The following CTDP1 variants were observed in gnomAD, a reference collection of about 807,000 sequenced individuals.
CTDP1 encodes the protein CTD phosphatase 1.
CTDP1 carries 47 observed loss-of-function variants against 91.8 expected under a neutral mutation model. The observed-to-expected ratio is 0.51, with a 90% confidence interval of 0.41 to 0.65. CTDP1 has a LOEUF of 0.65. Ranked by LOEUF, CTDP1 falls within the 30% of genes least tolerant of loss-of-function variation. The pLI is 0.00. For missense variants in CTDP1, 1,272 were observed against 1,373.7 expected (o/e 0.93, Z 1.17); for synonymous variants, 656 against 598.5 (o/e 1.10, Z -1.40).
chr18:79,750,837 T>C (rs1272044912), intron 12 of CTDP1, among the ~76,000 whole-genome samples: 2 of 151,858 alleles, frequency 1.3e-5, no homozygotes, highest in Admixed American at 6.6e-5. Flanking sequence ...AATGATGGGA[T>C]GCATTGCTTT....
At chr18:79,710,867 A>C (rs1277457507) in intron 6 of CTDP1, among the ~76,000 whole-genome samples, 1 of 151,934 alleles carries the variant, frequency 6.6e-6, no homozygotes, top group Non-Finnish European at 1.5e-5. Context: ...TTCTGTATTG[A>C]TGTTTTTTAG....
intron 4 of CTDP1, among the ~76,000 whole-genome samples, chr18:79,699,948 T>A (rs573842951): frequency 6.6e-6 from 1 of 152,130 alleles, no homozygotes; most frequent in African/African-American, 2.4e-5. Flanking sequence ...TCATAGTTGC[T>A]TCATCAGTGT....
intron 8 of CTDP1, 98 bp from the exon 9 acceptor site, chr18:79,717,437 G>A: frequency 1.3e-6 from 2 of 1,548,324 alleles, no homozygotes; most frequent in Non-Finnish European, 1.8e-6. Flanking sequence ...GCCCTGGTGG[G>A]GTACAGCCAG....
chr18:79,718,621 G>T (rs776514471), intron 10 of CTDP1, among the ~76,000 whole-genome samples: 1 of 152,178 alleles, frequency 6.6e-6, no homozygotes, highest in East Asian at 1.9e-4. Flanking sequence ...CTGTTTGCCC[G>T]CGTGGACCCG....
upstream of CTDP1, chr18:79,678,026 G>A (rs1568163971): frequency 6.6e-6 from 1 of 152,178 alleles, no homozygotes; most frequent in East Asian, 1.9e-4. Flanking sequence ...ACGAGGGTAG[G>A]GGCTGGAGAA....
rs780993342 is a variant in CTDP1 at position 79,698,503 on chromosome 18, A to G, written c.621+515A>G. Among the ~76,000 whole-genome samples, 18 of 152,170 alleles carry G rather than the reference A, an allele frequency of 1.2e-4. 1 individual carries two copies. The highest frequency in any genetic ancestry group is 1.9e-4 in the Non-Finnish European group (13 of 68,028). ...ACACGGGGAAATGCAGGGTGAGGGC[A>G]GAACCCTGTTTAATGCACACGAAAC... is the stretch of plus-strand genomic sequence containing the variant. On this transcript the variant is annotated intron_variant, in intron 4 of 12. Coordinates refer to ENST00000613122, the MANE Select transcript of CTDP1 (RefSeq NM_004715.5).
Position 79,713,209 on chromosome 18 carries a change from A to C in CTDP1, c.1030+71A>C. The C allele has an allele frequency of 6.8e-7, 1 of 1,464,240 alleles. No individual in the cohort carries two copies. Among genetic ancestry groups the C allele is most frequent in the Non-Finnish European group, 9.4e-7 (1 of 1,059,982 alleles). The allele number at this position is 1,464,240 out of a possible 1,614,324, so 90.7% of individuals were successfully genotyped here. A position where few individuals can be genotyped will look rare whatever the true frequency, so the allele number is the denominator to read the frequency against. ...TATTGTTTAGCTCTTCTTATTTCTT[A>C]TCTCTGTTTTGACTGCTATAAATTC... On this transcript the variant is annotated intron_variant, in intron 7 of 12. Coordinates refer to ENST00000613122, the MANE Select transcript of CTDP1 (RefSeq NM_004715.5). The surrounding 1 kb of genome is among the most constrained non-coding windows in gnomAD (Gnocchi z 4.7).
chr18:79,728,499 T>A (rs2086496971), intron 10 of CTDP1, among the ~76,000 whole-genome samples: 1 of 152,202 alleles, frequency 6.6e-6, no homozygotes, highest in South Asian at 2.1e-4. Flanking sequence ...TTTCTTGTTT[T>A]GTGTTTTGCC....
intron 12 of CTDP1, among the ~76,000 whole-genome samples, chr18:79,742,680 G>A (rs1324441657): frequency 6.6e-6 from 1 of 152,246 alleles, no homozygotes; most frequent in Admixed American, 6.5e-5. Flanking sequence ...CTGGACATGT[G>A]GTGGCTGTGG....
chr18:79,726,353 C>G (rs1403298169), intron 10 of CTDP1, among the ~76,000 whole-genome samples: 2 of 152,164 alleles, frequency 1.3e-5, no homozygotes, highest in Non-Finnish European at 2.9e-5. Context: ...CCAATCCTTT[C>G]TGTGTTTTTC....
Position 79,717,868 on chromosome 18 carries a change from C to T in CTDP1, c.2269C>T (p.His757Tyr). The T allele has an allele frequency of 6.2e-7, 1 of 1,613,644 alleles. No homozygotes were observed. The highest frequency in any genetic ancestry group is 8.5e-7 in the Non-Finnish European group (1 of 1,179,998). Reference protein sequence around the residue: ...REGVPPTALFHPMPVLPKAQP... With the variant: ...REGVPPTALFYPMPVLPKAQP... Reference sequence around the variant, plus strand: ...GGGTGTGCCCCCCACCGCCTTGTTCCACCCGATGCCGGTTCTTCCCAAGGC... The same window carrying T: ...GGGTGTGCCCCCCACCGCCTTGTTCTACCCGATGCCGGTTCTTCCCAAGGC... Residue 757 changes from histidine (H) to tyrosine (Y), a missense_variant, in exon 10 of 13, where the codon CAC becomes TAC. By Grantham distance (83) the His-to-Tyr change is moderately conservative (BLOSUM62 2). This residue lies in a region of CTDP1 where 881 missense variants were observed against 911.6 expected (regional missense o/e 0.97). Coordinates refer to ENST00000613122, the MANE Select transcript of CTDP1 (RefSeq NM_004715.5).
rs111538418 is a variant in CTDP1 at position 79,738,088 on chromosome 18, T to C, written c.2747+1567T>C. Among the ~76,000 whole-genome samples, 1,268 of 147,340 alleles carry C rather than the reference T, an allele frequency of 8.6e-3. 15 individuals carry two copies. The highest frequency in any genetic ancestry group is 0.029 in the African/African-American group (1,162 of 40,222). ...TCCCCACTCTCTGGGGTGTTCTCTG[T>C]CTCTGCATTTTGGTGGAGTACATCT... On this transcript the variant is annotated intron_variant, in intron 12 of 12. Coordinates refer to ENST00000613122, the MANE Select transcript of CTDP1 (RefSeq NM_004715.5).
chr18:79,679,453 G>T (rs1443099131), upstream of CTDP1: 1 of 456,368 alleles, frequency 2.2e-6, no homozygotes, highest in Admixed American at 2.3e-5. Flanking sequence ...CGTAGTCTCG[G>T]GATGCTGGGT....
chr18:79,715,581 C>T lies in CTDP1; in HGVS notation c.2068+53C>T, dbSNP rs2086190680. 1.3e-6 allele frequency: 2 copies of T among 1,500,896 alleles called. 1 individual carries two copies. 93.0% of individuals were successfully genotyped at this position (1,500,896 alleles called of 1,614,324 possible). On this transcript the variant is annotated intron_variant, in intron 8 of 12. Coordinates refer to ENST00000613122, the MANE Select transcript of CTDP1 (RefSeq NM_004715.5). ...CATGGTCAGGCCCGCGGGCTCCTTG[C>T]AGGCACTCCTTAGAGTTGGCATTGC...
At chr18:79,711,276 A>T (rs550172859) in intron 6 of CTDP1, among the ~76,000 whole-genome samples, 5 of 151,948 alleles carry the variant, frequency 3.3e-5, no homozygotes, top group African/African-American at 1.2e-4. Flanking sequence ...TAGTCCCTTG[A>T]CCTCCAAATT....
At chr18:79,720,686 G>A (rs1183746559) in intron 10 of CTDP1, among the ~76,000 whole-genome samples, 1 of 152,198 alleles carries the variant, frequency 6.6e-6, no homozygotes, top group Non-Finnish European at 1.5e-5. Context: ...CGGGCTGGTT[G>A]GGTTTTTAAT....
chr18:79,718,712 G>A (rs563077524), intron 10 of CTDP1, among the ~76,000 whole-genome samples: 56 of 151,548 alleles, frequency 3.7e-4, no homozygotes, highest in South Asian at 8.7e-4. Context: ...ATTTAAGTGA[G>A]GAGTCTTTGT....
intron 1 of CTDP1, among the ~76,000 whole-genome samples, chr18:79,692,198 A>T (rs1157991813): frequency 6.6e-6 from 1 of 151,962 alleles, no homozygotes; most frequent in South Asian, 2.1e-4. Flanking sequence ...CAGTGGAGAA[A>T]ACCTTTGCAG....
chr18:79,743,962 C>T (rs1033271953), intron 12 of CTDP1, among the ~76,000 whole-genome samples: 1 of 152,094 alleles, frequency 6.6e-6, no homozygotes, highest in Non-Finnish European at 1.5e-5. Flanking sequence ...CCAAAGCCAC[C>T]CTCCGCTCAC....
Sources: gnomAD v4.1 joint callset for allele counts (sites outside exome capture counted in the v4.1 genomes callset) on GRCh38, gnomAD v4.1.1 for gene constraint, gnomAD v4.1.1 regional missense constraint, Gnocchi (gnomAD v3.1) non-coding constraint, MANE v1.5 for transcripts, NCBI Gene and HGNC (gene_info 2026-07-23, HGNC 2026-07-21) for gene names.